Variants in AAK1 observed in about 807,000 individuals in gnomAD.
AAK1 encodes the protein AP2 associated kinase 1, also known as AP2-associated protein kinase 1.
AAK1 carries 37 observed loss-of-function variants against 116.0 expected under a neutral mutation model. The ratio of observed to expected loss-of-function variants is 0.32; its 90% confidence interval spans 0.25 to 0.42. The LOEUF is 0.42. Among genes scored for constraint, AAK1 ranks in the 10% least tolerant of loss-of-function variants. The pLI is 1.00. For missense variants in AAK1, 919 were observed against 1,170.6 expected (o/e 0.79, Z 3.14); for synonymous variants, 458 against 439.9 (o/e 1.04, Z -0.51).
Position 69,467,378 on chromosome 2 carries a change from A to G in AAK1, c.*8491T>C, listed in dbSNP as rs1272931242. The G allele has an allele frequency of 1.0e-6, 1 of 985,352 alleles. No homozygotes were observed. Among genetic ancestry groups the G allele is most frequent in the African/African-American group, 1.7e-5 (1 of 57,252 alleles). The allele number at this position is 985,352 out of a possible 1,614,324, so 61.0% of individuals were successfully genotyped here. ...TGCCTCAGGGTGCTCTGGCTTTTAA[A>G]ATCAAATAGACAATTATCAGAATGC... is the stretch of plus-strand genomic sequence containing the variant. On this transcript the variant is annotated 3_prime_UTR_variant, in exon 22 of 22. Coordinates refer to ENST00000409085, the MANE Select transcript of AAK1 (RefSeq NM_014911.5).
intron 9 of AAK1, among the ~76,000 whole-genome samples, chr2:69,525,675 G>A (rs1313560073): frequency 6.6e-6 from 1 of 152,124 alleles, no homozygotes. Flanking sequence ...GAGTTCCTCT[G>A]GCTTGAAATC....
At position 69,471,277 on chromosome 2, in the gene AAK1, T is replaced by C; in HGVS notation, c.*4592A>G. 2 of 985,432 alleles carry C rather than the reference T, an allele frequency of 2.0e-6. No individual in the cohort carries two copies. Among genetic ancestry groups the C allele is most frequent in the Non-Finnish European group, 2.4e-6 (2 of 829,930 alleles). The allele number at this position is 985,432 out of a possible 1,614,324, so 61.0% of individuals were successfully genotyped here. A position where few individuals can be genotyped will look rare whatever the true frequency, so the allele number is the denominator to read the frequency against. ...ATAGGTTAGCATTACCCAAGGAGCC[T>C]CCCTATCCCGTATTAGTGAAAGGAA... is the stretch of plus-strand genomic sequence containing the variant. On this transcript the variant is annotated 3_prime_UTR_variant, in exon 22 of 22. Transcript: ENST00000409085.
chr2:69,480,570 G>C (rs1031368964), intron 19 of AAK1, among the ~76,000 whole-genome samples: 1 of 152,010 alleles, frequency 6.6e-6, no homozygotes, highest in African/African-American at 2.4e-5. Flanking sequence ...AGGACATAGA[G>C]GGATCCCACC....
At chr2:69,478,475 CAG>C (rs1219109413) in intron 20 of AAK1, 4 of 152,244 alleles carry the variant, frequency 2.6e-5, no homozygotes, top group African/African-American at 7.3e-5. Flanking sequence ...TTTTTTTAGA[CAG>C]AGTCTTGCTC....
chr2:69,642,776 G>A (rs1038535526), intron 2 of AAK1, 102 bp downstream of exon 2: 4 of 1,493,782 alleles, frequency 2.7e-6, no homozygotes, highest in Non-Finnish European at 3.7e-6. Context: ...GGAAGGGAGG[G>A]TCAACTGGTC....
At chr2:69,492,496 G>A (rs932623094) in intron 17 of AAK1, among the ~76,000 whole-genome samples, 4 of 141,812 alleles carry the variant, frequency 2.8e-5, no homozygotes, top group East Asian at 2.2e-4. Context: ...TTACAGGCGT[G>A]AGCCACCGTG....
Position 69,466,369 on chromosome 2 carries a change from T to G in AAK1, c.*9500A>C, listed in dbSNP as rs1450913075. The G allele has an allele frequency of 7.8e-7, 1 of 1,289,736 alleles. No homozygotes were observed. The allele number at this position is 1,289,736 out of a possible 1,614,324, so 79.9% of individuals were successfully genotyped here. On this transcript the variant is annotated 3_prime_UTR_variant, in exon 22 of 22. Transcript: ENST00000409085. Reference sequence around the variant, plus strand: ...AGGTCAGTCCCTTCCTCTTCGCTGCTGTGGAATGAGCTGTTGCTTGAAGGG... The same window carrying G: ...AGGTCAGTCCCTTCCTCTTCGCTGCGGTGGAATGAGCTGTTGCTTGAAGGG...
Position 69,465,590 on chromosome 2 carries a change from T to C in AAK1, c.*10279A>G, listed in dbSNP as rs1231484012. On this transcript the variant is annotated 3_prime_UTR_variant, in exon 22 of 22. Coordinates refer to ENST00000409085, the MANE Select transcript of AAK1 (RefSeq NM_014911.5). ...TGTAGGCAGCAATGGGCTGGGCTTC[T>C]GGACTTGGCTCGTCTTCTGGGCTAT... is the stretch of plus-strand genomic sequence containing the variant. 3.1e-6 allele frequency: 4 copies of C among 1,290,918 alleles called. No homozygotes were observed. Among genetic ancestry groups the C allele is most frequent in the African/African-American group, 1.5e-5 (1 of 65,870 alleles). The allele number at this position is 1,290,918 out of a possible 1,614,324, so 80.0% of individuals were successfully genotyped here.
At chr2:69,489,012 C>CTT (rs199920200) in intron 17 of AAK1, among the ~76,000 whole-genome samples, 69 of 145,046 alleles carry the variant, frequency 4.8e-4, no homozygotes, top group African/African-American at 8.1e-4. Context: ...TAACTTAAAA[C>CTT]TTTTTTTTTT....
rs1340974437 is a variant in AAK1 at position 69,474,650 on chromosome 2, C to T, written c.*1219G>A. ...AAGCTGGGCACACCCAGATTGTGTC[C>T]AGCTTGTCAGCACACTTATTTCTGA... On this transcript the variant is annotated 3_prime_UTR_variant, in exon 22 of 22. Coordinates refer to ENST00000409085, the MANE Select transcript of AAK1 (RefSeq NM_014911.5). The T allele has an allele frequency of 1.0e-6, 1 of 985,464 alleles. No homozygotes were observed. The highest frequency in any genetic ancestry group is 1.2e-6 in the Non-Finnish European group (1 of 829,884). 61.0% of individuals were successfully genotyped at this position (985,464 alleles called of 1,614,324 possible).
chr2:69,515,206 T>C (rs943000362), intron 12 of AAK1, among the ~76,000 whole-genome samples: 4 of 152,236 alleles, frequency 2.6e-5, no homozygotes, highest in Non-Finnish European at 2.9e-5. Flanking sequence ...ATAACCTAAA[T>C]GTTAACTCAA....
chr2:69,519,022 G>A lies in AAK1; in HGVS notation c.1429C>T (p.Gln477Ter). The change falls in exon 12 of 22, where the codon CAG becomes TAG. Residue 477 changes from glutamine (Q) to a stop codon, truncating the protein, a stop_gained. Transcript: ENST00000409085. LOFTEE classifies it high-confidence loss of function. ...LFLKQQQQQQ[Q>*]PPPAQQQPAG... Reference sequence around the variant, plus strand: ...GGCTGCTGCTGTGCTGGCGGTGGCTGTTGCTGCTGCTGTTGCTGCTTGAGG... The same window carrying A: ...GGCTGCTGCTGTGCTGGCGGTGGCTATTGCTGCTGCTGTTGCTGCTTGAGG... 6.5e-7 allele frequency: 1 copy of A among 1,550,140 alleles called. No homozygotes were observed. Among genetic ancestry groups the A allele is most frequent in the Non-Finnish European group, 8.7e-7 (1 of 1,146,396 alleles).
chr2:69,592,009 TCTC>T (rs1353359077), intron 2 of AAK1, among the ~76,000 whole-genome samples: 1 of 152,192 alleles, frequency 6.6e-6, no homozygotes, highest in Non-Finnish European at 1.5e-5. Flanking sequence ...CTCTCCTGGT[TCTC>T]CTAGTCCACA....
At chr2:69,511,313 T>C (rs550984990) in intron 13 of AAK1, among the ~76,000 whole-genome samples, 2 of 152,342 alleles carry the variant, frequency 1.3e-5, no homozygotes, top group African/African-American at 2.4e-5. Flanking sequence ...TCCTCAGGAC[T>C]TGGAAAATTT....
In AAK1 at chr2:69,469,822, CCAG is replaced by C; in HGVS notation, c.*6044_*6046del. ...TCTTGCTCTGATGTAGGACTGTGTG[CCAG>C]GTTAGGCACGTTGACACTTTCAATA... is the stretch of plus-strand genomic sequence containing the variant. On this transcript the variant is annotated 3_prime_UTR_variant, in exon 22 of 22. Transcript: ENST00000409085. 1 of 985,350 alleles carries C rather than the reference CCAG, an allele frequency of 1.0e-6. No homozygotes were observed. The highest frequency in any genetic ancestry group is 1.7e-5 in the African/African-American group (1 of 57,330). 61.0% of individuals were successfully genotyped at this position (985,350 alleles called of 1,614,324 possible). A position where few individuals can be genotyped will look rare whatever the true frequency, so the allele number is the denominator to read the frequency against.
intron 19 of AAK1, among the ~76,000 whole-genome samples, chr2:69,480,494 T>C (rs1296344438): frequency 3.9e-5 from 6 of 152,096 alleles, no homozygotes; most frequent in Non-Finnish European, 7.3e-5. Context: ...ATTGGCAGAC[T>C]GGAAAGATGT....
chr2:69,532,242 A>G, intron 5 of AAK1, 80 bp from the exon 6 acceptor site: 1 of 1,546,654 alleles, frequency 6.5e-7, no homozygotes, highest in South Asian at 1.1e-5. Context: ...AGTCACATAA[A>G]TAAACGTTTT....
chr2:69,548,844 C>A (rs1441283410), intron 3 of AAK1, among the ~76,000 whole-genome samples: 1 of 152,018 alleles, frequency 6.6e-6, no homozygotes, highest in South Asian at 2.1e-4. Flanking sequence ...ACCTCGTGAT[C>A]CACCTGCCTT....
intron 17 of AAK1, 36 bp from the exon 18 acceptor site, chr2:69,482,848 T>C (rs753025273): frequency 1.5e-6 from 2 of 1,350,536 alleles, no homozygotes; most frequent in South Asian, 2.4e-5. Context: ...AAAGCAAAAA[T>C]GTAGTAAGAT....
Sources: allele counts gnomAD v4.1 joint callset (sites outside exome capture counted in the v4.1 genomes callset), GRCh38; gene constraint gnomAD v4.1.1; transcripts MANE v1.5; gene names NCBI Gene and HGNC (gene_info 2026-07-23, HGNC 2026-07-21).